The following SGCZ variants were observed in gnomAD, a reference collection of about 807,000 sequenced individuals.
SGCZ encodes the protein zeta-sarcoglycan.
SGCZ carries 40 observed loss-of-function variants against 41.3 expected under a neutral mutation model. The ratio of observed to expected loss-of-function variants is 0.97; its 90% CI spans 0.75 to 1.26. SGCZ has a LOEUF of 1.26. SGCZ is among the 50% of genes most tolerant of loss of function. The pLI, the probability that SGCZ is intolerant of heterozygous loss-of-function variation, is 0.00. For missense variants in SGCZ, 552 were observed against 369.8 expected, an observed-to-expected ratio of 1.49 and a Z score of -4.04; for synonymous variants, 206 against 137.5, an observed-to-expected ratio of 1.50 and a Z score of -3.49.
intron 1 of SGCZ, among the ~76,000 whole-genome samples, chr8:15,029,064 G>A (rs1803561343): frequency 6.6e-6 from 1 of 152,058 alleles, no homozygotes; most frequent in Non-Finnish European, 1.5e-5. Flanking sequence ...ATGATTGGGA[G>A]ACTCAAAGAT....
At chr8:14,810,248 A>G (rs1240307968) in intron 1 of SGCZ, among the ~76,000 whole-genome samples, 1 of 152,074 alleles carries the variant, frequency 6.6e-6, no homozygotes, top group Admixed American at 6.6e-5. Flanking sequence ...CTGTTACTGA[A>G]AATCAAAAAT....
intron 1 of SGCZ, among the ~76,000 whole-genome samples, chr8:15,102,590 T>G (rs1563126951): frequency 1.3e-5 from 2 of 152,190 alleles, no homozygotes; most frequent in Non-Finnish European, 2.9e-5. Context: ...TGCATGATAT[T>G]AATACTAGGA....
At chr8:14,157,357 T>A (rs61055375) in intron 5 of SGCZ, among the ~76,000 whole-genome samples, 28,316 of 141,644 alleles carry the variant, frequency 0.2, 3,384 homozygotes, top group East Asian at 0.61. Flanking sequence ...TGTGTGTGTG[T>A]GTGTGTGAGT....
intron 1 of SGCZ, among the ~76,000 whole-genome samples, chr8:14,772,674 C>T (rs971148544): frequency 1.3e-4 from 20 of 148,456 alleles, no homozygotes; most frequent in East Asian, 4.1e-4. Flanking sequence ...TGAGAACATG[C>T]GGTGTTTGGT....
At chr8:14,112,052 A>G (rs1038609852) in intron 5 of SGCZ, among the ~76,000 whole-genome samples, 1 of 152,160 alleles carries the variant, frequency 6.6e-6, no homozygotes, top group African/African-American at 2.4e-5. Context: ...TACAGAAGTC[A>G]CTGGTCCCAG....
intron 2 of SGCZ, among the ~76,000 whole-genome samples, chr8:14,472,931 T>A (rs1801253919): frequency 6.6e-6 from 1 of 152,274 alleles, no homozygotes; most frequent in African/African-American, 2.4e-5. Flanking sequence ...GTTACCCCCA[T>A]CTTCTTGTGC....
At chr8:14,395,907 C>G (rs916291518) in intron 2 of SGCZ, among the ~76,000 whole-genome samples, 2 of 152,172 alleles carry the variant, frequency 1.3e-5, no homozygotes, top group Non-Finnish European at 2.9e-5. Context: ...TCAATAAATT[C>G]TGATGCCTTT....
intron 5 of SGCZ, among the ~76,000 whole-genome samples, chr8:14,152,546 C>A (rs975676680): frequency 6.6e-6 from 1 of 152,072 alleles, no homozygotes; most frequent in Non-Finnish European, 1.5e-5. Flanking sequence ...TATGACAACA[C>A]CAGACTGGAG....
chr8:14,583,240 T>G (rs1804952631), intron 1 of SGCZ, among the ~76,000 whole-genome samples: 1 of 151,386 alleles, frequency 6.6e-6, no homozygotes, highest in Non-Finnish European at 1.5e-5. Flanking sequence ...GGTTTTGATG[T>G]GCATTTCTCT....
chr8:15,103,129 A>C (rs1012814416), intron 1 of SGCZ, among the ~76,000 whole-genome samples: 3 of 152,194 alleles, frequency 2.0e-5, no homozygotes, highest in African/African-American at 7.2e-5. Context: ...AGCTCAGTGC[A>C]GTGGCTCAAG....
rs771962692 is a variant in SGCZ, at chr8:15,020,800, C to T, written c.39+216785G>A. 6.7e-4 allele frequency among the ~76,000 whole-genome samples: 102 copies of T among 152,184 alleles called. 1 individual carries two copies. Among genetic ancestry groups the T allele is most frequent in the Non-Finnish European group, 1.2e-3 (83 of 68,042 alleles). ...ACACAACAGTGCTTATTTAAACTAT[C>T]CACACTTGTGTTCTTCTATAAACAT... On this transcript the variant is annotated intron_variant, in intron 1 of 7. Coordinates refer to ENST00000382080, the MANE Select transcript of SGCZ (RefSeq NM_139167.4).
At chr8:14,482,197 C>T (rs1801553191) in intron 2 of SGCZ, among the ~76,000 whole-genome samples, 1 of 152,182 alleles carries the variant, frequency 6.6e-6, no homozygotes, top group Non-Finnish European at 1.5e-5. Context: ...TCTAACTTCC[C>T]CTCCTTGAGT....
At chr8:14,862,178 G>T (rs1803772180) in intron 1 of SGCZ, among the ~76,000 whole-genome samples, 2 of 151,956 alleles carry the variant, frequency 1.3e-5, no homozygotes, top group Non-Finnish European at 2.9e-5. Context: ...GTTGATATAG[G>T]CCACCAGAAG....
At chr8:14,239,880 C>G (rs4567039) in intron 3 of SGCZ, among the ~76,000 whole-genome samples, 1 of 115,598 alleles carries the variant, frequency 8.7e-6, no homozygotes, top group South Asian at 3.1e-4. Context: ...CCAGCCTGGG[C>G]GACAGAGCGA....
At chr8:14,379,151 G>C in intron 2 of SGCZ, among the ~76,000 whole-genome samples, 1 of 152,064 alleles carries the variant, frequency 6.6e-6, no homozygotes, top group Non-Finnish European at 1.5e-5. Context: ...AAATCCATTA[G>C]AATCTTAACT....
chr8:14,849,501 C>T (rs1237762991), intron 1 of SGCZ, among the ~76,000 whole-genome samples: 2 of 152,062 alleles, frequency 1.3e-5, no homozygotes, highest in Non-Finnish European at 2.9e-5. Context: ...TTGATATATA[C>T]TACAACATGG....
intron 2 of SGCZ, among the ~76,000 whole-genome samples, chr8:14,356,649 T>G (rs1803303271): frequency 1.3e-5 from 2 of 152,006 alleles, no homozygotes. Flanking sequence ...TCTTTACCCA[T>G]ATGAAGCAAA....
At chr8:14,796,868 T>G (rs1801150105) in intron 1 of SGCZ, among the ~76,000 whole-genome samples, 2 of 152,164 alleles carry the variant, frequency 1.3e-5, no homozygotes, top group South Asian at 2.1e-4. Flanking sequence ...ACCCACAAGA[T>G]CTGATGGTTT....
At chr8:14,210,974 T>A (rs1197823455) in intron 4 of SGCZ, among the ~76,000 whole-genome samples, 1 of 152,136 alleles carries the variant, frequency 6.6e-6, no homozygotes. Context: ...GCATTGGAAA[T>A]GAGAGAAACC....
Sources: gnomAD v4.1 joint callset for allele counts (sites outside exome capture counted in the v4.1 genomes callset) on GRCh38, gnomAD v4.1.1 for gene constraint, MANE v1.5 for transcripts, NCBI Gene and HGNC (gene_info 2026-07-23, HGNC 2026-07-21) for gene names.